ABCD3: variants seen among roughly 807,000 people sequenced by gnomAD.
The protein encoded by ABCD3 is ATP-binding cassette sub-family D member 3.
In ABCD3, 41 loss-of-function variants were observed where a neutral mutation model predicts 105.5. The ratio of observed to expected loss-of-function variants is 0.39; its 90% confidence interval spans 0.30 to 0.50. The LOEUF (loss-of-function observed/expected upper bound fraction) is 0.50, where lower values mean the gene tolerates loss of function less well. ABCD3 is among the 20% of genes least tolerant of loss of function. ABCD3 has a pLI of 0.84. For missense variants in ABCD3, 622 were observed against 806.3 expected, an observed-to-expected ratio of 0.77 and a Z score of 2.77; for synonymous variants, 258 against 269.0, an observed-to-expected ratio of 0.96 and a Z score of 0.40.
intron 15 of ABCD3, among the ~76,000 whole-genome samples, 169 bp from the exon 16 acceptor site, chr1:94,491,015 A>T (rs561919102): frequency 6.6e-6 from 1 of 152,142 alleles, no homozygotes; most frequent in South Asian, 2.1e-4. Context: ...GATGACTGAG[A>T]TGTTGAGCAC....
chr1:94,506,481 G>T lies in ABCD3; in HGVS notation c.1741-57G>T, dbSNP rs1187186210. On this transcript the variant is annotated intron_variant, in intron 20 of 22. Coordinates refer to ENST00000370214, the MANE Select transcript of ABCD3 (RefSeq NM_002858.4). The stretch of plus-strand genomic sequence containing the variant: ...GCATATTTAACATAAGTTTGTTTCG[G>T]CTTACTAATTTTAGGTCTGCCTGTG... The T allele has an allele frequency of 6.0e-6, 6 of 1,006,068 alleles. No individual in the cohort carries two copies. The East Asian group carries it at 1.4e-4, about 24-fold the overall frequency. The allele number at this position is 1,006,068 out of a possible 1,614,324, so 62.3% of individuals were successfully genotyped here.
chr1:94,437,203 T>C (rs1233561662), intron 1 of ABCD3, among the ~76,000 whole-genome samples: 1 of 152,216 alleles, frequency 6.6e-6, no homozygotes, highest in East Asian at 1.9e-4. Flanking sequence ...TATACTAAAC[T>C]ACAGGTTTTC....
the ABCD3 span, among the ~76,000 whole-genome samples, chr1:94,391,403 G>T: frequency 5.2e-4 from 79 of 152,276 alleles, 1 homozygote; most frequent in Admixed American, 8.5e-4. Context: ...CATTGCTGCA[G>T]ATTCTTCAGG....
intron 7 of ABCD3, 115 bp from the exon 8 acceptor site, chr1:94,478,144 C>T: frequency 2.9e-6 from 2 of 689,982 alleles, no homozygotes; most frequent in Non-Finnish European, 5.1e-6. Context: ...GGGACCTCTA[C>T]ATGTTGATAA....
the ABCD3 span, among the ~76,000 whole-genome samples, chr1:94,413,203 C>CT: frequency 1.3e-5 from 2 of 151,620 alleles, no homozygotes; most frequent in African/African-American, 2.4e-5. Flanking sequence ...TTTATGGTAT[C>CT]TTTTTTTTCC....
intron 1 of ABCD3, among the ~76,000 whole-genome samples, chr1:94,423,648 G>A (rs1287429062): frequency 6.6e-6 from 1 of 152,174 alleles, no homozygotes; most frequent in Non-Finnish European, 1.5e-5. Context: ...TTATATCCCA[G>A]CATAGTGAAC....
At chr1:94,491,645 T>G (rs950400456) in intron 16 of ABCD3, among the ~76,000 whole-genome samples, 2 of 152,104 alleles carry the variant, frequency 1.3e-5, no homozygotes, top group African/African-American at 4.8e-5. Flanking sequence ...AAATACAGAC[T>G]GTTTTATTAC....
chr1:94,433,299 C>T (rs755711152), intron 1 of ABCD3, among the ~76,000 whole-genome samples: 28 of 151,872 alleles, frequency 1.8e-4, no homozygotes, highest in Admixed American at 1.8e-3. Context: ...GGATTACAGG[C>T]ATGTGCCACC....
intron 8 of ABCD3, among the ~76,000 whole-genome samples, chr1:94,479,994 G>A (rs1247845095): frequency 1.3e-5 from 2 of 151,998 alleles, no homozygotes; most frequent in East Asian, 3.9e-4. Context: ...GTAAAGATGT[G>A]TAGTACTTAT....
intron 4 of ABCD3, among the ~76,000 whole-genome samples, chr1:94,470,600 C>T (rs1222594452): frequency 6.6e-6 from 1 of 151,730 alleles, no homozygotes; most frequent in Non-Finnish European, 1.5e-5. Context: ...GTGCTGGGCA[C>T]TAGGTGAACT....
intron 1 of ABCD3, among the ~76,000 whole-genome samples, chr1:94,433,133 G>A (rs896697399): frequency 1.3e-5 from 2 of 151,724 alleles, no homozygotes; most frequent in Non-Finnish European, 2.9e-5. Context: ...TGGGATTACA[G>A]GCGTAAGCCA....
At chr1:94,480,822 C>T (rs1162166264) in intron 9 of ABCD3, among the ~76,000 whole-genome samples, 1 of 152,108 alleles carries the variant, frequency 6.6e-6, no homozygotes, top group East Asian at 1.9e-4. Flanking sequence ...CCTGATTCAC[C>T]TGTTCATACC....
chr1:94,495,898 C>T (rs757693163), intron 16 of ABCD3, among the ~76,000 whole-genome samples: 3 of 152,034 alleles, frequency 2.0e-5, no homozygotes, highest in Non-Finnish European at 4.4e-5. Context: ...GAGGAACATT[C>T]AGTATATTCA....
the ABCD3 span, among the ~76,000 whole-genome samples, chr1:94,389,556 T>C: frequency 6.6e-6 from 1 of 152,232 alleles, no homozygotes; most frequent in Non-Finnish European, 1.5e-5. Context: ...GGAATACTTC[T>C]AGTTAATCCA....
At chr1:94,456,498 G>C (rs543744246) in intron 1 of ABCD3, among the ~76,000 whole-genome samples, 2 of 151,004 alleles carry the variant, frequency 1.3e-5, no homozygotes, top group East Asian at 3.9e-4. Flanking sequence ...GGCTGGTCTT[G>C]AACTCCTGAG....
the ABCD3 span, among the ~76,000 whole-genome samples, chr1:94,407,415 G>A: frequency 1.2e-3 from 183 of 152,270 alleles, no homozygotes; most frequent in African/African-American, 4.2e-3. Flanking sequence ...CTCCCAAAGC[G>A]CTGGGATTAC....
Position 94,467,922 on chromosome 1 carries a change from G to A in ABCD3, c.250G>A (p.Gly84Ser), listed in dbSNP as rs1648230585. 2 of 1,609,982 alleles carry A rather than the reference G, an allele frequency of 1.2e-6. No individual in the cohort carries two copies. The highest frequency in any genetic ancestry group is 8.5e-7 in the Non-Finnish European group (1 of 1,176,760). Reference sequence around the variant, plus strand: ...TACTATACCTGGTTTATTTTAGACAGGTTACTTGGTACTTATTGCTGTTAT... The same window carrying A: ...TACTATACCTGGTTTATTTTAGACAAGTTACTTGGTACTTATTGCTGTTAT... ...MVPRTFCKET[G>S]YLVLIAVMLV... The change falls in exon 4 of 23, where the codon GGT becomes AGT. Residue 84 changes from glycine to serine, a missense_variant. Physicochemically the swap from Gly to Ser is moderately conservative, Grantham distance 56. Around this residue, in one of 4 missense-constraint regions of ABCD3, gnomAD observed 245 missense variants for 356.4 expected, o/e 0.69. Transcript: ENST00000370214.
chr1:94,421,199 T>A (rs1435177343), intron 1 of ABCD3, among the ~76,000 whole-genome samples: 1 of 152,160 alleles, frequency 6.6e-6, no homozygotes, highest in East Asian at 1.9e-4. Context: ...TTTCATCTAT[T>A]TCAACCTGCC....
intron 4 of ABCD3, 134 bp from the exon 5 acceptor site, chr1:94,473,632 T>G: frequency 1.3e-6 from 1 of 752,026 alleles, no homozygotes. Context: ...AAAAAGTGGT[T>G]TTTAGCATCT....
Sources: gnomAD v4.1 joint callset for allele counts (sites outside exome capture counted in the v4.1 genomes callset) on GRCh38, gnomAD v4.1.1 for gene constraint, gnomAD v4.1.1 regional missense constraint, MANE v1.5 for transcripts, NCBI Gene and HGNC (gene_info 2026-07-23, HGNC 2026-07-21) for gene names.